The following MDGA2 variants were observed in gnomAD, a reference collection of about 807,000 sequenced individuals.
The protein encoded by MDGA2 is MAM domain containing glycosylphosphatidylinositol anchor 2.
In MDGA2, 40 loss-of-function variants were observed where a neutral mutation model predicts 117.8. The ratio of observed to expected loss-of-function variants is 0.34; its 90% CI spans 0.26 to 0.44. The LOEUF (loss-of-function observed/expected upper bound fraction) is 0.44, where lower values mean the gene tolerates loss of function less well. MDGA2 is among the 20% of genes least tolerant of loss of function. The pLI is 1.00. For missense variants in MDGA2, 1,123 were observed against 1,250.6 expected (o/e 0.90, Z 1.54); for synonymous variants, 452 against 439.0 (o/e 1.03, Z -0.37).
intron 7 of MDGA2, among the ~76,000 whole-genome samples, chr14:47,046,576 T>G (rs891046722): frequency 1.3e-5 from 2 of 151,524 alleles, no homozygotes; most frequent in Non-Finnish European, 2.9e-5. Flanking sequence ...GTTGTGCACA[T>G]GTACCCTAGA....
rs1176141750 is a variant in MDGA2, at chr14:47,053,660, C to T, written c.1525+7589G>A. On this transcript the variant is annotated intron_variant, in intron 7 of 16. Coordinates refer to ENST00000399232, the MANE Select transcript of MDGA2 (RefSeq NM_001113498.3). Reference sequence around the variant, plus strand: ...ATATATATATATATATATATACACACACACACACACATATATATATACACA... The same window carrying T: ...ATATATATATATATATATATACACATACACACACACATATATATATACACA... Among the ~76,000 whole-genome samples the T allele has an allele frequency of 1.9e-4, 22 of 118,022 alleles. 1 individual carries two copies. Among genetic ancestry groups the T allele is most frequent in the African/African-American group, 5.3e-4 (19 of 35,768 alleles). 77.4% of individuals were successfully genotyped at this position (118,022 alleles called of 152,430 possible). A position where few individuals can be genotyped will look rare whatever the true frequency, so the allele number is the denominator to read the frequency against.
At chr14:47,588,689 C>T (rs4900786) in intron 1 of MDGA2, among the ~76,000 whole-genome samples, 21,023 of 151,824 alleles carry the variant, frequency 0.14, 1,906 homozygotes, top group Non-Finnish European at 0.21. Context: ...TCCTTTCACT[C>T]GCTTGATGTT....
intron 1 of MDGA2, among the ~76,000 whole-genome samples, chr14:47,600,619 T>G (rs1896630366): frequency 6.6e-6 from 1 of 151,764 alleles, no homozygotes; most frequent in Admixed American, 6.6e-5. Flanking sequence ...ATAAAAGGAA[T>G]GCATCTAAAC....
chr14:47,589,033 C>G (rs962106243), intron 1 of MDGA2, among the ~76,000 whole-genome samples: 3 of 151,908 alleles, frequency 2.0e-5, no homozygotes, highest in South Asian at 4.2e-4. Flanking sequence ...CTCTTGTAAT[C>G]TTGAGGTTAC....
intron 2 of MDGA2, among the ~76,000 whole-genome samples, chr14:47,224,546 A>G (rs1886414325): frequency 2.0e-5 from 3 of 152,156 alleles, no homozygotes; most frequent in Non-Finnish European, 4.4e-5. Context: ...TGTACACTGA[A>G]GCTCCTTTCT....
intron 8 of MDGA2, among the ~76,000 whole-genome samples, chr14:46,960,751 T>C (rs1232245764): frequency 1.4e-5 from 2 of 147,992 alleles, no homozygotes; most frequent in Non-Finnish European, 3.0e-5. Context: ...TATGTGTATA[T>C]GCACACATAT....
intron 7 of MDGA2, among the ~76,000 whole-genome samples, chr14:47,058,127 C>G (rs528145914): frequency 6.6e-6 from 1 of 151,884 alleles, no homozygotes; most frequent in Non-Finnish European, 1.5e-5. Flanking sequence ...TAAAAAATAT[C>G]ATTATATGAC....
chr14:47,259,479 T>C (rs1887726377), intron 2 of MDGA2, among the ~76,000 whole-genome samples: 1 of 152,126 alleles, frequency 6.6e-6, no homozygotes, highest in African/African-American at 2.4e-5. Context: ...AAACTCACAA[T>C]GTTCACTGTT....
At chr14:47,190,137 C>T (rs1438379825) in intron 3 of MDGA2, among the ~76,000 whole-genome samples, 1 of 152,188 alleles carries the variant, frequency 6.6e-6, no homozygotes, top group Non-Finnish European at 1.5e-5. Flanking sequence ...AGTTAATTTA[C>T]TTGTGCAAAT....
At chr14:46,904,379 A>AT (rs1166841275) in intron 10 of MDGA2, among the ~76,000 whole-genome samples, 1 of 151,454 alleles carries the variant, frequency 6.6e-6, no homozygotes, top group Non-Finnish European at 1.5e-5. Flanking sequence ...AAAAAAGCCA[A>AT]TTTTATTTTA....
chr14:47,019,609 C>T (rs968144669), intron 8 of MDGA2, among the ~76,000 whole-genome samples: 2 of 151,908 alleles, frequency 1.3e-5, no homozygotes, highest in Non-Finnish European at 2.9e-5. Context: ...TTTGGAAGGC[C>T]GAGGCGGGCG....
chr14:47,555,711 C>T (rs550121426), intron 1 of MDGA2, among the ~76,000 whole-genome samples: 1 of 152,300 alleles, frequency 6.6e-6, no homozygotes, highest in South Asian at 2.1e-4. Context: ...TTCTCCACCT[C>T]CCACAATTAA....
At chr14:47,038,222 G>A (rs1376357819) in intron 7 of MDGA2, among the ~76,000 whole-genome samples, 1 of 152,072 alleles carries the variant, frequency 6.6e-6, no homozygotes, top group African/African-American at 2.4e-5. Flanking sequence ...GTGAGCCACC[G>A]TGCTCAGCCT....
intron 1 of MDGA2, among the ~76,000 whole-genome samples, chr14:47,597,878 ACACAC>A (rs1896575610): frequency 6.6e-6 from 1 of 150,408 alleles, no homozygotes; most frequent in Non-Finnish European, 1.5e-5. Flanking sequence ...ACACACACAC[ACACAC>A]AAAACACAGA....
intron 1 of MDGA2, among the ~76,000 whole-genome samples, chr14:47,553,101 C>T (rs1440283072): frequency 6.6e-6 from 1 of 151,618 alleles, no homozygotes; most frequent in East Asian, 1.9e-4. Flanking sequence ...CCTGAGGCGG[C>T]CCTAACCTCT....
chr14:47,426,948 G>T (rs1206576660), intron 1 of MDGA2, among the ~76,000 whole-genome samples: 1 of 151,786 alleles, frequency 6.6e-6, no homozygotes, highest in Admixed American at 6.6e-5. Flanking sequence ...TAAATCATAG[G>T]AAAAATGTCT....
intron 8 of MDGA2, among the ~76,000 whole-genome samples, chr14:46,961,711 C>A (rs1482511606): frequency 1.3e-5 from 2 of 151,144 alleles, no homozygotes; most frequent in African/African-American, 4.9e-5. Flanking sequence ...GGCGCAATCT[C>A]AGCTCACTGC....
chr14:47,609,787 T>A (rs1254611018), intron 1 of MDGA2, among the ~76,000 whole-genome samples: 2 of 151,658 alleles, frequency 1.3e-5, no homozygotes, highest in African/African-American at 2.4e-5. Flanking sequence ...CTACCAGACA[T>A]TCAATGAAGA....
rs925812865 is a variant in MDGA2, at chr14:47,413,779, C to T, written c.281-112229G>A. 4.0e-5 allele frequency among the ~76,000 whole-genome samples: 6 copies of T among 150,872 alleles called. No homozygotes were observed. In the East Asian group the frequency reaches 9.7e-4, roughly 24 times the overall value. On this transcript the variant is annotated intron_variant, in intron 1 of 16. Coordinates refer to ENST00000399232, the MANE Select transcript of MDGA2 (RefSeq NM_001113498.3). ...AACACCAAGTGACATGTTCTATATA[C>T]AATGAAACATAAATTACAAAAGGAC...
Sources: allele counts gnomAD v4.1 joint callset (sites outside exome capture counted in the v4.1 genomes callset), GRCh38; gene constraint gnomAD v4.1.1; transcripts MANE v1.5; gene names NCBI Gene and HGNC (gene_info 2026-07-23, HGNC 2026-07-21).